CSNK1G3: variants seen among roughly 807,000 people sequenced by gnomAD.
CSNK1G3 encodes casein kinase 1 gamma 3, also known as casein kinase I isoform gamma-3.
Under a neutral mutation model 64.3 loss-of-function variants are expected in CSNK1G3, and 23 were observed. The ratio of observed to expected loss-of-function variants is 0.36; its 90% CI spans 0.26 to 0.51. The LOEUF (loss-of-function observed/expected upper bound fraction) is 0.51, where lower values mean the gene tolerates loss of function less well. CSNK1G3 is among the 20% of genes least tolerant of loss of function. CSNK1G3 has a pLI of 0.96. For synonymous variants in CSNK1G3, 158 were observed against 162.2 expected (o/e 0.97, Z 0.20); for missense variants, 357 against 510.5 (o/e 0.70, Z 2.90).
At chr5:123,601,266 T>TAA (rs1182438544) in intron 10 of CSNK1G3, among the ~76,000 whole-genome samples, 1 of 152,188 alleles carries the variant, frequency 6.6e-6, no homozygotes, top group Non-Finnish European at 1.5e-5. Flanking sequence ...TTCTTCTTTG[T>TAA]AAAACCCTTT....
chr5:123,548,970 G>C (rs1390307894), intron 2 of CSNK1G3, among the ~76,000 whole-genome samples: 1 of 152,228 alleles, frequency 6.6e-6, no homozygotes, highest in Admixed American at 6.5e-5. Flanking sequence ...GGCTGACTGA[G>C]AGCGGCAGCT....
At chr5:123,546,458 G>A (rs886519981) in intron 2 of CSNK1G3, among the ~76,000 whole-genome samples, 2 of 152,038 alleles carry the variant, frequency 1.3e-5, no homozygotes, top group African/African-American at 4.8e-5. Context: ...TTGGAACTCA[G>A]TGAGGGAAAA....
At chr5:123,578,857 T>G (rs1325033939) in intron 6 of CSNK1G3, among the ~76,000 whole-genome samples, 1 of 152,014 alleles carries the variant, frequency 6.6e-6, no homozygotes, top group African/African-American at 2.4e-5. Flanking sequence ...TACCTTAGTG[T>G]GTTTCTTAAA....
At chr5:123,599,451 A>C (rs1177537875) in intron 10 of CSNK1G3, among the ~76,000 whole-genome samples, 2 of 152,240 alleles carry the variant, frequency 1.3e-5, no homozygotes, top group African/African-American at 4.8e-5. Context: ...TAGCCAGTGA[A>C]GCATCAGAAC....
intron 10 of CSNK1G3, among the ~76,000 whole-genome samples, chr5:123,593,782 C>T (rs1792890054): frequency 6.6e-6 from 1 of 151,948 alleles, no homozygotes; most frequent in African/African-American, 2.4e-5. Context: ...TTGCATTGTA[C>T]AATTTAGGAA....
intron 12 of CSNK1G3, among the ~76,000 whole-genome samples, chr5:123,613,051 C>T (rs1456520886): frequency 6.6e-6 from 1 of 152,050 alleles, no homozygotes; most frequent in African/African-American, 2.4e-5. Flanking sequence ...AGAAAAGGTG[C>T]CTAACTATAT....
chr5:123,543,561 C>T (rs981076651), intron 1 of CSNK1G3, among the ~76,000 whole-genome samples: 4 of 152,176 alleles, frequency 2.6e-5, no homozygotes, highest in African/African-American at 9.7e-5. Flanking sequence ...CTACAAATTC[C>T]ATTTACTTCA....
intron 6 of CSNK1G3, among the ~76,000 whole-genome samples, chr5:123,587,722 T>TA (rs1239949915): frequency 6.6e-6 from 1 of 152,210 alleles, no homozygotes; most frequent in African/African-American, 2.4e-5. Context: ...TTTAATACGT[T>TA]ACCTTCTGAA....
At chr5:123,586,986 T>C (rs1354776782) in intron 6 of CSNK1G3, among the ~76,000 whole-genome samples, 2 of 152,124 alleles carry the variant, frequency 1.3e-5, no homozygotes, top group Non-Finnish European at 2.9e-5. Flanking sequence ...TCAGGTCTCA[T>C]AAGACTTATT....
intron 6 of CSNK1G3, among the ~76,000 whole-genome samples, chr5:123,584,998 T>C (rs111751669): frequency 0.012 from 1,799 of 152,314 alleles, 42 homozygotes; most frequent in African/African-American, 0.041. Flanking sequence ...TATTGAACTT[T>C]CCAATCCAGC....
intron 1 of CSNK1G3, among the ~76,000 whole-genome samples, chr5:123,540,467 G>A (rs530159714): frequency 2.6e-5 from 4 of 151,770 alleles, no homozygotes; most frequent in Admixed American, 2.6e-4. Flanking sequence ...TCTAATATAG[G>A]CATTTAAAGC....
chr5:123,609,959 A>G (rs189424244), intron 12 of CSNK1G3, among the ~76,000 whole-genome samples: 2 of 152,218 alleles, frequency 1.3e-5, no homozygotes, highest in Non-Finnish European at 2.9e-5. Context: ...GAGAGGAGAG[A>G]CTTAGACTGG....
chr5:123,569,367 A>G (rs913721342), intron 4 of CSNK1G3, among the ~76,000 whole-genome samples: 7 of 152,216 alleles, frequency 4.6e-5, no homozygotes, highest in African/African-American at 1.4e-4. Flanking sequence ...ACAAGTGGTC[A>G]TTTCTTAAAG....
At chr5:123,556,329 A>C (rs115123189) in intron 3 of CSNK1G3, among the ~76,000 whole-genome samples, 2 of 152,064 alleles carry the variant, frequency 1.3e-5, no homozygotes, top group Non-Finnish European at 2.9e-5. Context: ...AACCTCATCA[A>C]TTCTGGAATA....
At chr5:123,519,376 A>G (rs2149944026) in intron 1 of CSNK1G3, among the ~76,000 whole-genome samples, 1 of 152,328 alleles carries the variant, frequency 6.6e-6, no homozygotes, top group Admixed American at 6.5e-5. Flanking sequence ...TTAGGAGCTA[A>G]AAACACTACT....
intron 2 of CSNK1G3, among the ~76,000 whole-genome samples, chr5:123,550,287 C>T (rs539177577): frequency 3.6e-4 from 55 of 152,292 alleles, no homozygotes; most frequent in African/African-American, 1.1e-3. Flanking sequence ...ATGTGACTTC[C>T]GTCTCTGTGC....
chr5:123,615,468 G>A (rs1034538415), exon 13 of CSNK1G3: 1 of 152,540 alleles, frequency 6.6e-6, no homozygotes, highest in Non-Finnish European at 1.5e-5. Flanking sequence ...TTAGTCTCTT[G>A]TATTCAACTT....
chr5:123,568,748 T>C (rs534817786), intron 4 of CSNK1G3, among the ~76,000 whole-genome samples: 1 of 152,222 alleles, frequency 6.6e-6, no homozygotes, highest in Non-Finnish European at 1.5e-5. Flanking sequence ...TCTATGTTTG[T>C]TAGCAGTTCC....
At chr5:123,591,951 A>G (rs1208796125) in intron 10 of CSNK1G3, among the ~76,000 whole-genome samples, 1 of 152,114 alleles carries the variant, frequency 6.6e-6, no homozygotes, top group Non-Finnish European at 1.5e-5. Flanking sequence ...CCTCATCTAT[A>G]AAATGGAAAT....
Sources: gnomAD v4.1 joint callset for allele counts (sites outside exome capture counted in the v4.1 genomes callset) on GRCh38, gnomAD v4.1.1 for gene constraint, MANE v1.5 for transcripts, NCBI Gene and HGNC (gene_info 2026-07-23, HGNC 2026-07-21) for gene names.